The following RORB variants were observed in gnomAD, a reference collection of about 807,000 sequenced individuals.
RORB encodes the protein RAR related orphan receptor B.
In RORB, 6 loss-of-function variants were observed where a neutral mutation model predicts 59.1. The observed-to-expected ratio is 0.10, with a 90% CI of 0.06 to 0.20. The LOEUF (loss-of-function observed/expected upper bound fraction) is 0.20, where lower values mean the gene tolerates loss of function less well. RORB is among the 10% of genes least tolerant of loss of function. The probability of loss-of-function intolerance (pLI) is 1.00; values close to 1 mark genes in which losing one functional copy is unlikely to be tolerated. For synonymous variants in RORB, 215 were observed against 204.5 expected (o/e 1.05, Z -0.44); for missense variants, 320 against 560.5 (o/e 0.57, Z 4.33).
chr9:74,554,875 T>C (rs1822260728), intron 1 of RORB, among the ~76,000 whole-genome samples: 1 of 152,194 alleles, frequency 6.6e-6, no homozygotes, highest in Admixed American at 6.5e-5. Flanking sequence ...GCATCTCCTT[T>C]CTATAGTTGT....
At chr9:74,627,125 C>A (rs1164511745) in intron 1 of RORB, among the ~76,000 whole-genome samples, 1 of 149,402 alleles carries the variant, frequency 6.7e-6, no homozygotes, top group Non-Finnish European at 1.5e-5. Context: ...TCGCGCCACT[C>A]CACTCCAGCC....
At chr9:74,522,587 G>A (rs1024250935) in intron 1 of RORB, among the ~76,000 whole-genome samples, 1 of 151,800 alleles carries the variant, frequency 6.6e-6, no homozygotes, top group Non-Finnish European at 1.5e-5. Context: ...TAAGGGTAAA[G>A]CCCAATTCTT....
intron 1 of RORB, among the ~76,000 whole-genome samples, chr9:74,629,030 A>C (rs1307135489): frequency 4.6e-5 from 7 of 152,122 alleles, no homozygotes. Flanking sequence ...TGTCCAACTT[A>C]CTACCTTATC....
intron 1 of RORB, among the ~76,000 whole-genome samples, chr9:74,506,686 T>C (rs1302343102): frequency 6.6e-6 from 1 of 152,104 alleles, no homozygotes; most frequent in Non-Finnish European, 1.5e-5. Flanking sequence ...ATTTGAAACT[T>C]GCAGGCAGCC....
chr9:74,536,998 A>G (rs1826331615), intron 1 of RORB, among the ~76,000 whole-genome samples: 1 of 151,996 alleles, frequency 6.6e-6, no homozygotes, highest in Non-Finnish European at 1.5e-5. Flanking sequence ...ATTGATTCCT[A>G]CAACCACTTG....
At chr9:74,645,013 A>C (rs1171079068) in intron 4 of RORB, among the ~76,000 whole-genome samples, 1 of 152,194 alleles carries the variant, frequency 6.6e-6, no homozygotes, top group African/African-American at 2.4e-5. Context: ...GACATGCAAA[A>C]TAAACTCGCG....
At chr9:74,591,698 T>C (rs1040448459) in intron 1 of RORB, among the ~76,000 whole-genome samples, 1 of 152,224 alleles carries the variant, frequency 6.6e-6, no homozygotes, top group African/African-American at 2.4e-5. Flanking sequence ...AAGCTGGATT[T>C]ACCTAAATTC....
chr9:74,557,025 T>G (rs535873321), intron 1 of RORB, among the ~76,000 whole-genome samples: 2 of 152,194 alleles, frequency 1.3e-5, no homozygotes, highest in African/African-American at 4.8e-5. Context: ...ATTTCCCCCT[T>G]TTTTCTACCC....
intron 1 of RORB, among the ~76,000 whole-genome samples, chr9:74,621,089 T>C (rs1048820988): frequency 1.3e-5 from 2 of 152,250 alleles, no homozygotes; most frequent in African/African-American, 4.8e-5. Context: ...TGCATAAGTA[T>C]GGCATACTTG....
chr9:74,532,031 CTG>C (rs2118099757), intron 1 of RORB, among the ~76,000 whole-genome samples: 1 of 151,982 alleles, frequency 6.6e-6, no homozygotes, highest in South Asian at 2.1e-4. Flanking sequence ...CACACTGTCA[CTG>C]TGAATAAAAA....
intron 1 of RORB, among the ~76,000 whole-genome samples, chr9:74,553,504 T>A (rs887178617): frequency 2.6e-5 from 4 of 152,130 alleles, no homozygotes; most frequent in African/African-American, 7.2e-5. Context: ...ACTAACAGAT[T>A]ACCACTTATG....
intron 1 of RORB, among the ~76,000 whole-genome samples, chr9:74,627,807 A>C (rs577423061): frequency 2.8e-4 from 43 of 152,300 alleles, no homozygotes; most frequent in Non-Finnish European, 5.0e-4. Context: ...TAAAAAAAAA[A>C]ACCATAGTAC....
chr9:74,565,779 C>T (rs1039525450), intron 1 of RORB, among the ~76,000 whole-genome samples: 1 of 152,044 alleles, frequency 6.6e-6, no homozygotes, highest in Non-Finnish European at 1.5e-5. Context: ...ATGTGATTAT[C>T]CTACAGATAT....
chr9:74,608,162 T>A (rs1398970353), intron 1 of RORB, among the ~76,000 whole-genome samples: 1 of 152,060 alleles, frequency 6.6e-6, no homozygotes, highest in Non-Finnish European at 1.5e-5. Flanking sequence ...ATTTAAGAAG[T>A]GATTGTTACA....
chr9:74,626,569 T>C (rs1465956248), intron 1 of RORB, among the ~76,000 whole-genome samples: 2 of 152,202 alleles, frequency 1.3e-5, no homozygotes, highest in Non-Finnish European at 2.9e-5. Context: ...GGGAATACTA[T>C]TGTTGAATAA....
intron 1 of RORB, among the ~76,000 whole-genome samples, chr9:74,565,665 A>C (rs948110035): frequency 6.6e-6 from 1 of 152,136 alleles, no homozygotes; most frequent in Non-Finnish European, 1.5e-5. Flanking sequence ...ACTTGTCTTA[A>C]TATCTTAGAC....
chr9:74,654,351 AG>A (rs1205812405), intron 4 of RORB, among the ~76,000 whole-genome samples: 1 of 150,992 alleles, frequency 6.6e-6, no homozygotes, highest in Non-Finnish European at 1.5e-5. Context: ...AGAGAGAGAG[AG>A]AGAGAGAGAG....
Position 74,686,038 on chromosome 9 carries a change from T to G in RORB, c.*420T>G, listed in dbSNP as rs1824637282. On this transcript the variant is annotated 3_prime_UTR_variant, in exon 10 of 10. Coordinates refer to ENST00000376896, the MANE Select transcript of RORB (RefSeq NM_006914.4). ...TACCTATTTCTATGTTTTTAGGTAG[T>G]TGATGCATGTGTAAATTTGTAGCTG... 1 of 153,612 alleles carries G rather than the reference T, an allele frequency of 6.5e-6. No individual in the cohort carries two copies. Among genetic ancestry groups the G allele is most frequent in the East Asian group, 1.9e-4 (1 of 5,216 alleles). 9.5% of individuals were successfully genotyped at this position (153,612 alleles called of 1,614,324 possible).
intron 1 of RORB, among the ~76,000 whole-genome samples, chr9:74,603,991 G>A (rs936082234): frequency 2.2e-4 from 34 of 152,182 alleles, no homozygotes; most frequent in African/African-American, 1.2e-4. Flanking sequence ...CCACGTGAAC[G>A]GATCAGTGCA....
Sources: allele counts gnomAD v4.1 joint callset (sites outside exome capture counted in the v4.1 genomes callset), GRCh38; gene constraint gnomAD v4.1.1; transcripts MANE v1.5; gene names NCBI Gene and HGNC (gene_info 2026-07-23, HGNC 2026-07-21).